The following EDN1 variants were observed in gnomAD, a reference collection of about 807,000 sequenced individuals.
EDN1 encodes endothelin-1.
EDN1 carries 11 observed loss-of-function variants against 21.7 expected under a neutral mutation model. The ratio of observed to expected loss-of-function variants is 0.51; its 90% CI spans 0.32 to 0.84. The LOEUF (loss-of-function observed/expected upper bound fraction) is 0.84. EDN1 is among the 40% of genes least tolerant of loss of function. The pLI is 0.03. For missense variants in EDN1, 244 were observed against 262.3 expected, an observed-to-expected ratio of 0.93 and a Z score of 0.48; for synonymous variants, 85 against 90.6, an observed-to-expected ratio of 0.94 and a Z score of 0.35.
At chr6:12,294,632 T>C (rs1762775443) in intron 4 of EDN1, among the ~76,000 whole-genome samples, 1 of 152,248 alleles carries the variant, frequency 6.6e-6, no homozygotes, top group African/African-American at 2.4e-5. Context: ...TCTGTACTTT[T>C]AGCACATACC....
the EDN1 span, among the ~76,000 whole-genome samples, chr6:12,279,627 A>G: frequency 6.6e-6 from 1 of 152,222 alleles, no homozygotes; most frequent in Non-Finnish European, 1.5e-5. Context: ...ACCATTTTGC[A>G]TGCTCTTGTC....
At chr6:12,275,356 T>C in the EDN1 span, among the ~76,000 whole-genome samples, 1 of 152,210 alleles carries the variant, frequency 6.6e-6, no homozygotes, top group East Asian at 1.9e-4. Context: ...GATAGAATCT[T>C]TGCCTGAATT....
At chr6:12,257,266 A>G in the EDN1 span, among the ~76,000 whole-genome samples, 1 of 152,214 alleles carries the variant, frequency 6.6e-6, no homozygotes, top group African/African-American at 2.4e-5. Flanking sequence ...CCTAGGTACA[A>G]ATCTCTTCTT....
intron 1 of EDN1, among the ~76,000 whole-genome samples, chr6:12,291,107 A>G (rs911411255): frequency 8.5e-5 from 13 of 152,270 alleles, no homozygotes; most frequent in Admixed American, 7.8e-4. Context: ...TTAACGTGTA[A>G]AATATTTAAG....
rs769575571 is a variant in EDN1 at position 12,296,003 on chromosome 6, A to G, written c.575A>G (p.Asp192Gly). The change falls in exon 5 of 5, where the codon GAT (aspartate) becomes GGT (glycine). Residue 192 changes from aspartate (D) to glycine (G), a missense_variant. By Grantham distance (94) the Asp-to-Gly change is moderately conservative. Coordinates refer to ENST00000379375, the MANE Select transcript of EDN1 (RefSeq NM_001955.5). Reference protein sequence around the residue: ...MRNSVKSSFHDPKLKGKPSRE... With the variant: ...MRNSVKSSFHGPKLKGKPSRE... ...AACAGCGTCAAATCATCTTTTCATGATCCCAAGCTGAAAGGCAAGCCCTCC... is the reference window on the plus strand; with the variant it reads ...AACAGCGTCAAATCATCTTTTCATGGTCCCAAGCTGAAAGGCAAGCCCTCC... 4 of 1,613,986 alleles carry G rather than the reference A, an allele frequency of 2.5e-6. No homozygotes were observed. The highest frequency in any genetic ancestry group is 1.7e-5 in the Admixed American group (1 of 60,004).
the EDN1 span, among the ~76,000 whole-genome samples, chr6:12,277,023 C>T: frequency 1.3e-5 from 2 of 152,152 alleles, no homozygotes; most frequent in East Asian, 3.8e-4. Flanking sequence ...AACAGACATT[C>T]ACAGGATCAC....
At chr6:12,289,287 C>A (rs1160909569), upstream of EDN1, among the ~76,000 whole-genome samples, 4 of 152,134 alleles carry the variant, frequency 2.6e-5, no homozygotes, top group East Asian at 7.7e-4. Context: ...TACAAGAACA[C>A]CTTTTTGCCC....
At chr6:12,240,623 G>C in the EDN1 span, among the ~76,000 whole-genome samples, 1 of 152,204 alleles carries the variant, frequency 6.6e-6, no homozygotes, top group Non-Finnish European at 1.5e-5. Flanking sequence ...CTTAGAACCA[G>C]ATGCATGAAT....
At chr6:12,294,447 A>G (rs1172173836) in intron 4 of EDN1, 43 bp downstream of exon 4, 1 of 1,611,542 alleles carries the variant, frequency 6.2e-7, no homozygotes, top group Admixed American at 1.7e-5. Context: ...GTTCACAAGA[A>G]CAACTAGCCC....
chr6:12,269,407 G>C, the EDN1 span, among the ~76,000 whole-genome samples: 8 of 70,730 alleles, frequency 1.1e-4, no homozygotes, highest in South Asian at 5.3e-4. Flanking sequence ...TCGTTTTCCA[G>C]ATCTTAGAGA....
chr6:12,293,435 C>T (rs10478716), intron 2 of EDN1, among the ~76,000 whole-genome samples: 4,300 of 152,264 alleles, frequency 0.028, 203 homozygotes, highest in African/African-American at 0.099. Flanking sequence ...GAACATGTGC[C>T]TCCTCCTCCC....
chr6:12,277,619 G>A, the EDN1 span, among the ~76,000 whole-genome samples: 2 of 152,228 alleles, frequency 1.3e-5, no homozygotes, highest in Admixed American at 6.5e-5. Context: ...AGGGCCAAGG[G>A]CGAATCTCTG....
the EDN1 span, among the ~76,000 whole-genome samples, chr6:12,253,694 A>G: frequency 6.6e-6 from 1 of 152,126 alleles, no homozygotes; most frequent in Non-Finnish European, 1.5e-5. Context: ...AATAACTCAT[A>G]CTACTACTAC....
the EDN1 span, among the ~76,000 whole-genome samples, chr6:12,261,677 G>A: frequency 1.3e-5 from 2 of 152,356 alleles, no homozygotes; most frequent in East Asian, 3.9e-4. Flanking sequence ...GTAGATGCAC[G>A]TTGAGAATTA....
In EDN1 at chr6:12,293,944, C is replaced by T. The variant is rs762278997; in HGVS notation, c.237C>T (p.His79=). 20 of 1,613,994 alleles carry T rather than the reference C, an allele frequency of 1.2e-5. No homozygotes were observed. The highest frequency in any genetic ancestry group is 8.9e-5 in the East Asian group (4 of 44,882). The change falls in exon 3 of 5, where the codon CAC becomes CAT. Residue 79 remains histidine, a synonymous_variant. Transcript: ENST00000379375. ...TCTTTCTCTCTTTGGATAATAGGCA[C>T]GTTGTTCCGTATGGACTTGGAAGCC... ...LDIIWVNTPE[H]VVPYGLGSPR... is the part of the protein sequence containing the mutation.
the EDN1 span, among the ~76,000 whole-genome samples, chr6:12,252,903 AAAG>A: frequency 6.6e-6 from 1 of 152,198 alleles, no homozygotes; most frequent in Non-Finnish European, 1.5e-5. Flanking sequence ...AAAAGAAGAA[AAAG>A]AAGAAGAGGA....
At chr6:12,254,609 A>C in the EDN1 span, among the ~76,000 whole-genome samples, 1 of 152,244 alleles carries the variant, frequency 6.6e-6, no homozygotes, top group Non-Finnish European at 1.5e-5. Flanking sequence ...ATGCAACCTA[A>C]GAATTTGGAA....
At chr6:12,286,922 T>C (rs1762566121), upstream of EDN1, among the ~76,000 whole-genome samples, 4 of 152,146 alleles carry the variant, frequency 2.6e-5, no homozygotes, top group Admixed American at 2.6e-4. Flanking sequence ...AAGACCAGCC[T>C]AGGCAACATA....
At chr6:12,260,137 T>TA in the EDN1 span, among the ~76,000 whole-genome samples, 1 of 152,018 alleles carries the variant, frequency 6.6e-6, no homozygotes, top group Non-Finnish European at 1.5e-5. Context: ...AAAAAACTCT[T>TA]AAAAAACAAT....
Sources: allele counts gnomAD v4.1 joint callset (sites outside exome capture counted in the v4.1 genomes callset), GRCh38; gene constraint gnomAD v4.1.1; transcripts MANE v1.5; gene names NCBI Gene and HGNC (gene_info 2026-07-23, HGNC 2026-07-21).